The following SAMSN1 variants were observed in gnomAD, a reference collection of about 807,000 sequenced individuals.
SAMSN1 encodes the protein SAM domain, SH3 domain and nuclear localization signals 1, also known as SAM domain-containing protein SAMSN-1.
A neutral mutation model predicts 42.0 loss-of-function variants in SAMSN1; 31 were observed. That is an observed-to-expected ratio of 0.74 (90% CI 0.55 to 1.00). SAMSN1 has a LOEUF of 1.00. SAMSN1 is among the 50% of genes least tolerant of loss of function. SAMSN1 has a pLI of 0.00. For synonymous variants in SAMSN1, 178 were observed against 151.9 expected (o/e 1.17, Z -1.26); for missense variants, 464 against 439.4 (o/e 1.06, Z -0.50).
chr21:14,648,965 G>A (rs1983773096), intron 1 of SAMSN1, among the ~76,000 whole-genome samples: 1 of 151,522 alleles, frequency 6.6e-6, no homozygotes, highest in Non-Finnish European at 1.5e-5. Context: ...AAAGACACAT[G>A]CACACGTATG....
At chr21:14,575,890 G>T (rs572440323) in intron 2 of SAMSN1, among the ~76,000 whole-genome samples, 2 of 152,230 alleles carry the variant, frequency 1.3e-5, no homozygotes, top group Admixed American at 1.3e-4. Flanking sequence ...CTTTGCATAT[G>T]TCTATTTTTC....
intron 1 of SAMSN1, among the ~76,000 whole-genome samples, chr21:14,521,673 C>T (rs1029100426): frequency 2.0e-5 from 3 of 151,986 alleles, no homozygotes; most frequent in Admixed American, 6.6e-5. Flanking sequence ...CATTACGCCT[C>T]ACAAAGATCA....
upstream of SAMSN1, chr21:14,658,937 G>A (rs1310326384): frequency 1.7e-6 from 1 of 592,266 alleles, no homozygotes. Context: ...AAATAATATA[G>A]GCTTTTGTTG....
chr21:14,600,426 C>G (rs1384980302), intron 6 of SAMSN1, among the ~76,000 whole-genome samples: 2 of 152,108 alleles, frequency 1.3e-5, no homozygotes, highest in Non-Finnish European at 2.9e-5. Flanking sequence ...TCCCAAACGA[C>G]GATTTTTAGA....
At chr21:14,558,169 A>G (rs1980822545) in intron 2 of SAMSN1, among the ~76,000 whole-genome samples, 1 of 152,170 alleles carries the variant, frequency 6.6e-6, no homozygotes, top group South Asian at 2.1e-4. Context: ...GGGCTCAGGA[A>G]ATGGTTGTTG....
At chr21:14,523,122 C>T (rs1030494410) in intron 1 of SAMSN1, 4 of 152,072 alleles carry the variant, frequency 2.6e-5, no homozygotes, top group Admixed American at 1.3e-4. Flanking sequence ...GGAGGACCTG[C>T]TATATTGTCC....
At chr21:14,647,183 A>G (rs1983731629) in intron 1 of SAMSN1, among the ~76,000 whole-genome samples, 1 of 152,186 alleles carries the variant, frequency 6.6e-6, no homozygotes, top group South Asian at 2.1e-4. Context: ...ACACACTTCA[A>G]CTATAAAAGC....
intron 3 of SAMSN1, among the ~76,000 whole-genome samples, chr21:14,515,229 G>C (rs1987858140): frequency 6.6e-6 from 1 of 152,174 alleles, no homozygotes; most frequent in Non-Finnish European, 1.5e-5. Flanking sequence ...ACTGGAGACA[G>C]AGCCCTGTTG....
intron 5 of SAMSN1, among the ~76,000 whole-genome samples, chr21:14,504,675 G>T (rs751415778): frequency 6.6e-6 from 1 of 152,200 alleles, no homozygotes; most frequent in Non-Finnish European, 1.5e-5. Context: ...TTGGGAAAAC[G>T]TATTTGGAGG....
intron 7 of SAMSN1, among the ~76,000 whole-genome samples, chr21:14,487,544 A>G (rs1986491245): frequency 1.3e-5 from 2 of 152,134 alleles, no homozygotes; most frequent in Non-Finnish European, 2.9e-5. Context: ...AGCATCATCC[A>G]TGGGAGAAAT....
upstream of SAMSN1, among the ~76,000 whole-genome samples, chr21:14,549,366 T>C (rs1028802488): frequency 6.6e-6 from 1 of 152,172 alleles, no homozygotes; most frequent in Non-Finnish European, 1.5e-5. Context: ...TTAGGACATG[T>C]ACACTGGTTC....
chr21:14,580,981 A>G (rs1981692865), intron 2 of SAMSN1, among the ~76,000 whole-genome samples: 1 of 152,200 alleles, frequency 6.6e-6, no homozygotes, highest in Non-Finnish European at 1.5e-5. Context: ...TAAGTACTAG[A>G]AGATTTATAA....
chr21:14,499,944 C>T (rs1482885356), intron 6 of SAMSN1, among the ~76,000 whole-genome samples: 2 of 152,080 alleles, frequency 1.3e-5, no homozygotes, highest in Non-Finnish European at 2.9e-5. Flanking sequence ...AGTGTATGTA[C>T]ACACTATTTA....
chr21:14,561,868 G>A (rs984355537), intron 2 of SAMSN1, among the ~76,000 whole-genome samples: 3 of 152,270 alleles, frequency 2.0e-5, no homozygotes, highest in African/African-American at 4.8e-5. Context: ...GTGGAATTAT[G>A]CCACCATGAA....
rs182300369 is a variant in SAMSN1, at chr21:14,639,923, G to A, written c.156+3079C>T. 4.0e-3 allele frequency among the ~76,000 whole-genome samples: 615 copies of A among 152,088 alleles called. 5 individuals are homozygous for A. The highest frequency in any genetic ancestry group is 4.2e-3 in the Non-Finnish European group (283 of 67,990). ...ATCTTAAATTGGTTTCTCTTTGGAC[G>A]AGCTATCCATTATCAACCTTCCTGA... On this transcript the variant is annotated intron_variant, in intron 2 of 15. Coordinates refer to the SAMSN1 transcript ENST00000647101.
chr21:14,516,543 C>T (rs1987927521), intron 3 of SAMSN1, among the ~76,000 whole-genome samples: 1 of 152,164 alleles, frequency 6.6e-6, no homozygotes, highest in Non-Finnish European at 1.5e-5. Context: ...AGGCGTGCAC[C>T]ACCATGCTCA....
chr21:14,497,119 A>G (rs906261602), intron 7 of SAMSN1, among the ~76,000 whole-genome samples: 4 of 152,146 alleles, frequency 2.6e-5, no homozygotes, highest in African/African-American at 9.7e-5. Context: ...CTAACTCTAC[A>G]CTTCACTAAG....
chr21:14,618,747 G>A (rs1199347533), intron 2 of SAMSN1, among the ~76,000 whole-genome samples: 2 of 151,720 alleles, frequency 1.3e-5, no homozygotes, highest in African/African-American at 4.8e-5. Context: ...AATTCCAAAA[G>A]AAAGATACCA....
chr21:14,656,279 T>C (rs1983915285), intron 1 of SAMSN1, among the ~76,000 whole-genome samples: 1 of 151,792 alleles, frequency 6.6e-6, no homozygotes, highest in South Asian at 2.1e-4. Context: ...CAGGGTATTC[T>C]TCTGAATAAG....
Sources: allele counts gnomAD v4.1 joint callset (sites outside exome capture counted in the v4.1 genomes callset), GRCh38; gene constraint gnomAD v4.1.1; transcripts MANE v1.5; gene names NCBI Gene and HGNC (gene_info 2026-07-23, HGNC 2026-07-21).